The following CLCN7 variants were observed in gnomAD, a reference collection of about 807,000 sequenced individuals.
CLCN7 encodes the protein Cl-/H+ antiporter 7, also known as H(+)/Cl(-) exchange transporter 7.
Under a neutral mutation model 102.1 loss-of-function variants are expected in CLCN7, and 60 were observed. The ratio of observed to expected loss-of-function variants is 0.59; its 90% confidence interval spans 0.48 to 0.73. CLCN7 has a LOEUF of 0.73. CLCN7 is among the 30% of genes least tolerant of loss of function. CLCN7 has a pLI of 0.00. For synonymous variants in CLCN7, 560 were observed against 490.5 expected (o/e 1.14, Z -1.87); for missense variants, 962 against 1,125.7 (o/e 0.85, Z 2.08).
rs61365901 is a variant in CLCN7 at position 1,446,825 on chromosome 16, G to C, written c.2332-108C>G. 6,998 of 1,173,310 alleles carry C rather than the reference G, an allele frequency of 6.0e-3. 308 individuals carry two copies. The African/African-American group carries it at 0.093, about 16-fold the overall frequency. The allele number at this position is 1,173,310 out of a possible 1,614,324, so 72.7% of individuals were successfully genotyped here. Reference sequence around the variant, plus strand: ...GCAGCACAGGCAGGGGGCCCTGGGGGCTTCAGCACAGCCCCCGAGCTGAGC... The same window carrying C: ...GCAGCACAGGCAGGGGGCCCTGGGGCCTTCAGCACAGCCCCCGAGCTGAGC... On this transcript the variant is annotated intron_variant, in intron 24 of 24. Coordinates refer to ENST00000382745, the MANE Select transcript of CLCN7 (RefSeq NM_001287.6).
At chr16:1,448,813 C>T (rs1487510574) in intron 19 of CLCN7, 47 bp from the exon 20 acceptor site, 2 of 1,602,074 alleles carry the variant, frequency 1.2e-6, no homozygotes, top group Non-Finnish European at 8.5e-7. Context: ...CACACCCACC[C>T]CTGGAGCCCC....
At chr16:1,452,463 G>A (rs2038767047) in intron 15 of CLCN7, 1 of 473,368 alleles carries the variant, frequency 2.1e-6, no homozygotes, top group Admixed American at 3.5e-5. Context: ...CACATCTATG[G>A]TGCCCCCATA....
intron 1 of CLCN7, among the ~76,000 whole-genome samples, chr16:1,469,178 C>T (rs2039045022): frequency 6.6e-6 from 1 of 151,880 alleles, no homozygotes; most frequent in Admixed American, 6.6e-5. Flanking sequence ...TGTATTCCAG[C>T]CTGGGCAACA....
At chr16:1,465,540 G>C (rs1009210224) in intron 1 of CLCN7, among the ~76,000 whole-genome samples, 3 of 152,174 alleles carry the variant, frequency 2.0e-5, no homozygotes, top group African/African-American at 7.2e-5. Flanking sequence ...TGATCCGGCT[G>C]CCCCTCGGCC....
At chr16:1,448,267 C>G (rs888462801) in intron 21 of CLCN7, 88 bp downstream of exon 21, 3 of 1,558,358 alleles carry the variant, frequency 1.9e-6, no homozygotes, top group African/African-American at 2.7e-5. Context: ...TGCAGCTTCC[C>G]CATCCTGCAA....
intron 11 of CLCN7, 122 bp downstream of exon 11, chr16:1,455,609 A>T: frequency 9.4e-7 from 1 of 1,067,534 alleles, no homozygotes; most frequent in Non-Finnish European, 1.4e-6. Context: ...AAGGCCTGAC[A>T]GACCCACAGG....
intron 1 of CLCN7, among the ~76,000 whole-genome samples, chr16:1,465,541 C>T (rs1024832283): frequency 2.0e-5 from 3 of 152,200 alleles, no homozygotes; most frequent in African/African-American, 7.2e-5. Context: ...GATCCGGCTG[C>T]CCCTCGGCCT....
chr16:1,465,848 G>C (rs2038998373), intron 1 of CLCN7, among the ~76,000 whole-genome samples: 1 of 152,216 alleles, frequency 6.6e-6, no homozygotes, highest in African/African-American at 2.4e-5. Flanking sequence ...AGAGCTGGGT[G>C]GGGTCTCAGC....
intron 1 of CLCN7, among the ~76,000 whole-genome samples, chr16:1,472,914 A>G (rs1049489012): frequency 4.0e-5 from 6 of 149,600 alleles, no homozygotes; most frequent in Non-Finnish European, 7.4e-5. Flanking sequence ...CTACAGATGC[A>G]TATCACCACA....
At chr16:1,474,372 C>A (rs567996389) in intron 1 of CLCN7, 21 of 352,494 alleles carry the variant, frequency 6.0e-5, no homozygotes, top group Non-Finnish European at 1.1e-4. Flanking sequence ...CACTGAAAGA[C>A]AGTGACCCGG....
At chr16:1,449,816 C>T (rs549833217) in intron 17 of CLCN7, 4 of 215,702 alleles carry the variant, frequency 1.9e-5, no homozygotes, top group African/African-American at 9.4e-5. Flanking sequence ...AGAAACGCCG[C>T]TGAACTGCCC....
rs765444328 is a variant in CLCN7, at chr16:1,453,840, C to G, written c.1208G>C (p.Arg403Pro). 6.2e-7 allele frequency: 1 copy of G among 1,613,356 alleles called. No individual in the cohort carries two copies. Among genetic ancestry groups the G allele is most frequent in the Non-Finnish European group, 8.5e-7 (1 of 1,179,994 alleles). Residue 403 changes from arginine (R) to proline (P), a missense_variant, in exon 14 of 25, where the codon CGA becomes CCA. Transcript: ENST00000382745. ...NALNYWLTMFRIRYIHRPCLQ... is the reference protein window; with the variant it reads ...NALNYWLTMFPIRYIHRPCLQ... Reference sequence around the variant, plus strand: ...CAATGCGGTTTCTCCTCACCTGATTCGAAACATGGTCAGCCAGTAGTTCAA... The same window carrying G: ...CAATGCGGTTTCTCCTCACCTGATTGGAAACATGGTCAGCCAGTAGTTCAA...
chr16:1,457,799 C>T lies in CLCN7; in HGVS notation c.676-43G>A, dbSNP rs551969797. The T allele has an allele frequency of 6.2e-5, 98 of 1,585,098 alleles. No homozygotes were observed. In the Middle Eastern group the frequency reaches 1.0e-3, roughly 16 times the overall value. Reference sequence around the variant, plus strand: ...GCATGGCCTCTGATGAAAAGGCAGGCGCTGTCTTTGGACCTGAGCCGTAAA... The same window carrying T: ...GCATGGCCTCTGATGAAAAGGCAGGTGCTGTCTTTGGACCTGAGCCGTAAA... On this transcript the variant is annotated intron_variant, in intron 7 of 24. Transcript: ENST00000382745. This position sits in a 1 kb window ranked among gnomAD's most constrained non-coding sequence, Gnocchi z 5.4.
intron 23 of CLCN7, 147 bp downstream of exon 23, chr16:1,447,245 T>C: frequency 2.6e-6 from 3 of 1,168,950 alleles, no homozygotes; most frequent in Middle Eastern, 2.8e-4. Flanking sequence ...ACTTCAGCTC[T>C]AAAGCCTGCC....
intron 1 of CLCN7, among the ~76,000 whole-genome samples, chr16:1,473,476 T>C (rs369101332): frequency 0.062 from 8,890 of 143,380 alleles, 311 homozygotes; most frequent in Non-Finnish European, 0.087. Flanking sequence ...CGGGTTCAAT[T>C]GATTCTCCTG....
At chr16:1,466,444 G>A (rs2039006450) in intron 1 of CLCN7, among the ~76,000 whole-genome samples, 1 of 152,240 alleles carries the variant, frequency 6.6e-6, no homozygotes, top group Non-Finnish European at 1.5e-5. Context: ...GAGACGTGCA[G>A]GAACGGCCTG....
chr16:1,460,297 G>C (rs563976142), intron 6 of CLCN7, 121 bp downstream of exon 6: 210 of 756,678 alleles, frequency 2.8e-4, no homozygotes, highest in Non-Finnish European at 1.6e-4. Flanking sequence ...GATTCTAAAA[G>C]TGCCCGGGTT....
chr16:1,447,821 T>A, intron 21 of CLCN7, 107 bp from the exon 22 acceptor site: 1 of 1,263,166 alleles, frequency 7.9e-7, no homozygotes, highest in Non-Finnish European at 1.1e-6. Flanking sequence ...ATTTCCCATC[T>A]GGGCATGGGC....
rs1033086552 is a variant in CLCN7 at position 1,445,238 on chromosome 16, G to A, written c.*1393C>T. 3.3e-5 allele frequency: 5 copies of A among 150,700 alleles called. No homozygotes were observed. Among genetic ancestry groups the A allele is most frequent in the Non-Finnish European group, 7.4e-5 (5 of 67,600 alleles). The allele number at this position is 150,700 out of a possible 1,614,324, so 9.3% of individuals were successfully genotyped here. ...GGTGGCCGCAGCCGCTGTCTTTCAC[G>A]CCTTTCTCACTCCACACGGTGCCCC... On this transcript the variant is annotated 3_prime_UTR_variant, in exon 25 of 25. Coordinates refer to ENST00000382745, the MANE Select transcript of CLCN7 (RefSeq NM_001287.6).
Sources: allele counts gnomAD v4.1 joint callset (sites outside exome capture counted in the v4.1 genomes callset), GRCh38; gene constraint gnomAD v4.1.1; non-coding constraint Gnocchi (gnomAD v3.1); transcripts MANE v1.5; gene names NCBI Gene and HGNC (gene_info 2026-07-23, HGNC 2026-07-21).